Variants in DMXL2 observed in about 807,000 individuals in gnomAD.
The protein encoded by DMXL2 is Dmx like 2, also known as dmX-like protein 2.
In DMXL2, 103 loss-of-function variants were observed where a neutral mutation model predicts 331.1. The ratio of observed to expected loss-of-function variants is 0.31; its 90% CI spans 0.27 to 0.37. The LOEUF (loss-of-function observed/expected upper bound fraction) is 0.37. Among genes scored for constraint, DMXL2 ranks in the 10% least tolerant of loss-of-function variants. The pLI is 1.00. For synonymous variants in DMXL2, 1,281 were observed against 1,252.1 expected, an observed-to-expected ratio of 1.02 and a Z score of -0.49; for missense variants, 3,171 against 3,642.9, an observed-to-expected ratio of 0.87 and a Z score of 3.33.
Position 51,486,070 on chromosome 15 carries a change from T to C in DMXL2, c.5482+3A>G, listed in dbSNP as rs1176460292. ...AAAAAAAGAAATCCACAAAACGTCC[T>C]ACCTTGATGTTCATCATCCTCCTTT... On this transcript the variant is annotated splice_donor_region_variant and intron_variant, in intron 23 of 43. Coordinates refer to ENST00000560891, the MANE Select transcript of DMXL2 (RefSeq NM_001378457.1). 6.4e-7 allele frequency: 1 copy of C among 1,573,542 alleles called. No individual in the cohort carries two copies.
chr15:51,551,163 C>T (rs1413426307), intron 6 of DMXL2, among the ~76,000 whole-genome samples: 1 of 150,488 alleles, frequency 6.6e-6, no homozygotes, highest in African/African-American at 2.4e-5. Flanking sequence ...TTCTTTTTAT[C>T]AGGATAATCT....
At chr15:51,555,621 A>C (rs755992686) in intron 6 of DMXL2, among the ~76,000 whole-genome samples, 3 of 152,190 alleles carry the variant, frequency 2.0e-5, no homozygotes, top group Non-Finnish European at 4.4e-5. Context: ...ACTCTTGGTG[A>C]GATGAATGAA....
intron 21 of DMXL2, 81 bp downstream of exon 21, chr15:51,488,467 T>C: frequency 7.9e-7 from 1 of 1,258,336 alleles, no homozygotes; most frequent in Non-Finnish European, 1.1e-6. Context: ...ATATACCTAA[T>C]TATTTTCAAA....
At chr15:51,608,072 C>G (rs1236342896) in intron 1 of DMXL2, among the ~76,000 whole-genome samples, 2 of 151,992 alleles carry the variant, frequency 1.3e-5, no homozygotes, top group Non-Finnish European at 2.9e-5. Flanking sequence ...GTAATCCCAG[C>G]TACTTGGGAG....
At chr15:51,483,892 C>T (rs924866599) in intron 23 of DMXL2, among the ~76,000 whole-genome samples, 1 of 152,000 alleles carries the variant, frequency 6.6e-6, no homozygotes, top group Non-Finnish European at 1.5e-5. Context: ...CAGCCTTGCA[C>T]CAGTCTCAGA....
intron 33 of DMXL2, among the ~76,000 whole-genome samples, chr15:51,461,358 A>C (rs1279950402): frequency 2.0e-5 from 3 of 151,852 alleles, no homozygotes; most frequent in African/African-American, 7.3e-5. Flanking sequence ...GGGTCCAAGA[A>C]ACCCAGACAC....
At chr15:51,591,101 A>C (rs532282602) in intron 1 of DMXL2, among the ~76,000 whole-genome samples, 1 of 152,204 alleles carries the variant, frequency 6.6e-6, no homozygotes, top group African/African-American at 2.4e-5. Flanking sequence ...CAGTGGATGC[A>C]GTGCACCGAA....
At position 51,537,655 on chromosome 15, in the gene DMXL2, T is replaced by C. The variant is rs145695589; in HGVS notation, c.1450A>G (p.Met484Val). The C allele has an allele frequency of 9.3e-6, 15 of 1,613,864 alleles. No homozygotes were observed. The highest frequency in any genetic ancestry group is 3.3e-4 in the Middle Eastern group (2 of 6,082). The stretch of plus-strand genomic sequence containing the variant: ...TCAAGCAGAACCGTAGGCAGTGGCA[T>C]TGGTACACTAAGTCGTGAGTAAGTT... The part of the protein sequence containing the change: ...PRTYSRLSVP[M>V]PLPTVLLDRK... Residue 484 changes from methionine (M) to valine (V), a missense_variant, in exon 11 of 44, where the codon ATG becomes GTG. By Grantham distance (21) the Met-to-Val change is conservative. This residue lies in a region of DMXL2 where 1,674 missense variants were observed against 1,780.2 expected (regional missense o/e 0.94). Transcript: ENST00000560891.
intron 1 of DMXL2, among the ~76,000 whole-genome samples, chr15:51,580,943 G>C (rs369739271): frequency 1.3e-5 from 2 of 152,158 alleles, no homozygotes; most frequent in African/African-American, 4.8e-5. Flanking sequence ...ATAGACATAA[G>C]TCATAGATGG....
Position 51,487,075 on chromosome 15 carries a change from G to C in DMXL2, c.5218-738C>G, listed in dbSNP as rs574929829. Among the ~76,000 whole-genome samples the C allele has an allele frequency of 5.3e-5, 8 of 151,782 alleles. No homozygotes were observed. In the South Asian group the frequency reaches 1.5e-3, roughly 28 times the overall value. ...TATTTGTCCTTTACCTGTTCATATT[G>C]TTCATGATAGTAATCTAAGAGGAAG... On this transcript the variant is annotated intron_variant, in intron 22 of 43. Transcript: ENST00000560891.
chr15:51,523,977 A>G (rs1457921114), intron 13 of DMXL2, among the ~76,000 whole-genome samples: 1 of 152,216 alleles, frequency 6.6e-6, no homozygotes, highest in Non-Finnish European at 1.5e-5. Context: ...ATCAATCAAA[A>G]CAGGATTAAT....
At chr15:51,566,144 G>C (rs979840429) in intron 3 of DMXL2, among the ~76,000 whole-genome samples, 3 of 151,938 alleles carry the variant, frequency 2.0e-5, no homozygotes, top group African/African-American at 7.3e-5. Context: ...ATGAGTTTGA[G>C]GTTATAGTGA....
chr15:51,566,650 G>C (rs2050309136), intron 3 of DMXL2, among the ~76,000 whole-genome samples: 1 of 152,046 alleles, frequency 6.6e-6, no homozygotes, highest in Non-Finnish European at 1.5e-5. Flanking sequence ...AATTTATACT[G>C]TTTTGGGGGA....
chr15:51,611,864 A>C (rs1368731259), intron 1 of DMXL2, among the ~76,000 whole-genome samples: 1 of 152,202 alleles, frequency 6.6e-6, no homozygotes, highest in East Asian at 1.9e-4. Context: ...GGAGGACTGA[A>C]AAAGGGGCAT....
At chr15:51,514,900 G>C (rs1283851841) in intron 14 of DMXL2, among the ~76,000 whole-genome samples, 3 of 151,284 alleles carry the variant, frequency 2.0e-5, no homozygotes, top group Non-Finnish European at 1.5e-5. Context: ...TCACCACTTT[G>C]AGCCTGAAAG....
At position 51,455,235 on chromosome 15, in the gene DMXL2, G is replaced by T; in HGVS notation, c.8527-7C>A. The T allele has an allele frequency of 6.2e-7, 1 of 1,612,280 alleles. No homozygotes were observed. The highest frequency in any genetic ancestry group is 1.1e-5 in the South Asian group (1 of 91,014). On this transcript the variant is annotated splice_polypyrimidine_tract_variant and splice_region_variant and intron_variant, in intron 39 of 43. Coordinates refer to ENST00000560891, the MANE Select transcript of DMXL2 (RefSeq NM_001378457.1). ...CTCCATCCGCAACACCACACTGTAAGAACAGTATAACTACTAAACACATGT... is the reference window on the plus strand; with the variant it reads ...CTCCATCCGCAACACCACACTGTAATAACAGTATAACTACTAAACACATGT...
Position 51,525,129 on chromosome 15 carries a change from T to C in DMXL2, c.2437-7962A>G, listed in dbSNP as rs181869547. 4.0e-5 allele frequency among the ~76,000 whole-genome samples: 6 copies of C among 151,672 alleles called. No individual in the cohort carries two copies. In the East Asian group the frequency reaches 1.2e-3, roughly 30 times the overall value. ...CCAGGCCCTATTTCCCACACGACAT[T>C]TGTAGACACACCCTGGGCCAGAAAG... On this transcript the variant is annotated intron_variant, in intron 13 of 43. Coordinates refer to ENST00000560891, the MANE Select transcript of DMXL2 (RefSeq NM_001378457.1).
Position 51,514,595 on chromosome 15 carries a change from T to G in DMXL2, c.2527-36A>C, listed in dbSNP as rs1413436954. On this transcript the variant is annotated intron_variant, in intron 14 of 43. Transcript: ENST00000560891. Reference sequence around the variant, plus strand: ...AAAAAAAAATGAAGAGGTTTTATCTTTGAAATTCCCTGTCTCCCATCTCCC... The same window carrying G: ...AAAAAAAAATGAAGAGGTTTTATCTGTGAAATTCCCTGTCTCCCATCTCCC... 2.2e-6 allele frequency: 3 copies of G among 1,338,964 alleles called. No individual in the cohort carries two copies. The South Asian group carries it at 3.8e-5, about 17-fold the overall frequency. 82.9% of individuals were successfully genotyped at this position (1,338,964 alleles called of 1,614,324 possible).
intron 22 of DMXL2, among the ~76,000 whole-genome samples, chr15:51,486,635 T>C (rs533471654): frequency 6.6e-6 from 1 of 152,316 alleles, no homozygotes; most frequent in South Asian, 2.1e-4. Flanking sequence ...AATTAAATAC[T>C]ATATATGACA....
Sources: gnomAD v4.1 joint callset for allele counts (sites outside exome capture counted in the v4.1 genomes callset) on GRCh38, gnomAD v4.1.1 for gene constraint, gnomAD v4.1.1 regional missense constraint, MANE v1.5 for transcripts, NCBI Gene and HGNC (gene_info 2026-07-23, HGNC 2026-07-21) for gene names.